The following ATG10 variants were observed in gnomAD, a reference collection of about 807,000 sequenced individuals.
ATG10 encodes the protein ubiquitin-like-conjugating enzyme ATG10.
ATG10 carries 30 observed loss-of-function variants against 32.1 expected under a neutral mutation model. The observed-to-expected ratio is 0.94, with a 90% CI of 0.70 to 1.27. ATG10 has a LOEUF of 1.27. Ranked by LOEUF, ATG10 falls within the 50% of genes most tolerant of loss-of-function variation. The pLI is 0.00. For synonymous variants in ATG10, 87 were observed against 91.5 expected (o/e 0.95, Z 0.28); for missense variants, 233 against 262.3 (o/e 0.89, Z 0.77).
chr5:82,208,116 C>T (rs1200719239), intron 5 of ATG10, among the ~76,000 whole-genome samples: 1 of 152,182 alleles, frequency 6.6e-6, no homozygotes, highest in Non-Finnish European at 1.5e-5. Flanking sequence ...CTTAGTTACA[C>T]ATAAAGTTTC....
intron 5 of ATG10, among the ~76,000 whole-genome samples, chr5:82,202,687 G>A (rs2149965212): frequency 6.6e-6 from 1 of 152,266 alleles, no homozygotes. Flanking sequence ...CAGATCTGCT[G>A]TTCCATGTAG....
intron 3 of ATG10, among the ~76,000 whole-genome samples, chr5:82,119,109 C>G (rs1765938722): frequency 6.6e-6 from 1 of 152,158 alleles, no homozygotes; most frequent in Non-Finnish European, 1.5e-5. Context: ...TACTTCAAGC[C>G]TATGAAATCC....
intron 3 of ATG10, among the ~76,000 whole-genome samples, chr5:82,068,694 A>C (rs910393693): frequency 6.8e-6 from 1 of 147,056 alleles, no homozygotes; most frequent in Non-Finnish European, 1.5e-5. Flanking sequence ...ATATATATAT[A>C]TATCTTATAT....
intron 2 of ATG10, among the ~76,000 whole-genome samples, chr5:82,047,563 T>G (rs1032494180): frequency 3.9e-5 from 6 of 152,222 alleles, no homozygotes; most frequent in Admixed American, 3.3e-4. Context: ...CACATATGCA[T>G]GTGTGCTTCT....
At chr5:82,124,677 A>G (rs146866506) in intron 3 of ATG10, among the ~76,000 whole-genome samples, 1 of 152,044 alleles carries the variant, frequency 6.6e-6, no homozygotes, top group Admixed American at 6.6e-5. Flanking sequence ...TGTCTTCTTT[A>G]TCCAGTCTAA....
In ATG10 at chr5:81,986,027, G is replaced by C. The variant is rs577604707; in HGVS notation, c.-12-1532G>C. Among the ~76,000 whole-genome samples the C allele has an allele frequency of 1.1e-4, 17 of 152,088 alleles. 1 individual carries two copies. In the South Asian group the frequency reaches 3.5e-3, roughly 32 times the overall value. On this transcript the variant is annotated intron_variant, in intron 1 of 7. Transcript: ENST00000282185. ...ATCCGCCTGCCTCGGCCTCCCCAAA[G>C]TGCTGGGATTACAGGCGTGAGCCAC...
At position 82,118,400 on chromosome 5, in the gene ATG10, A is replaced by ATATATATATATAT. The variant is rs371581160; in HGVS notation, c.217-45994_217-45993insATATATATTATAT. Among the ~76,000 whole-genome samples the ATATATATATATAT allele has an allele frequency of 8.4e-4, 97 of 115,820 alleles. 2 individuals carry two copies. The highest frequency in any genetic ancestry group is 1.4e-3 in the Non-Finnish European group (74 of 52,894). The allele number at this position is 115,820 out of a possible 152,430, so 76.0% of individuals were successfully genotyped here. A position where few individuals can be genotyped will look rare whatever the true frequency, so the allele number is the denominator to read the frequency against. ...ATAATATATGTACATATATATATAT[A>ATATATATATATAT]TATATGTATGTATATATTCCCTAGC... On this transcript the variant is annotated intron_variant, in intron 3 of 7. Coordinates refer to ENST00000282185, the MANE Select transcript of ATG10 (RefSeq NM_031482.5).
rs184205449 is a variant in ATG10 at position 82,156,790 on chromosome 5, A to C, written c.217-7609A>C. 1.1e-4 allele frequency among the ~76,000 whole-genome samples: 17 copies of C among 152,304 alleles called. No individual in the cohort carries two copies. In the East Asian group the frequency reaches 3.3e-3, roughly 29 times the overall value. On this transcript the variant is annotated intron_variant, in intron 3 of 7. Transcript: ENST00000282185. ...GATTTTCAAATCCATTATTCTGCTA[A>C]TTCTTTTACTTTTAGATGTATAGAA...
intron 5 of ATG10, among the ~76,000 whole-genome samples, chr5:82,196,495 C>T (rs556611536): frequency 6.6e-6 from 1 of 152,100 alleles, no homozygotes; most frequent in Non-Finnish European, 1.5e-5. Context: ...ATGTGGTCTT[C>T]TAAGAGTTTT....
chr5:82,040,849 A>T lies in ATG10; in HGVS notation c.109-17646A>T, dbSNP rs560783389. ...GTCATGGCCAACAAGTCCCTAGATG[A>T]TCTGGCTCTATTGGCTTTTTTGTTC... is the stretch of plus-strand genomic sequence containing the variant. On this transcript the variant is annotated intron_variant, in intron 2 of 7. Coordinates refer to ENST00000282185, the MANE Select transcript of ATG10 (RefSeq NM_031482.5). 1.6e-4 allele frequency among the ~76,000 whole-genome samples: 25 copies of T among 152,344 alleles called. No individual in the cohort carries two copies. The South Asian group carries it at 4.8e-3, about 29-fold the overall frequency.
intron 3 of ATG10, among the ~76,000 whole-genome samples, chr5:82,072,388 G>C (rs1020753216): frequency 2.0e-5 from 3 of 152,118 alleles, no homozygotes; most frequent in Non-Finnish European, 2.9e-5. Context: ...AAGCTGTAGT[G>C]TCTAGGGTTA....
chr5:81,975,744 C>T (rs1283416227), intron 1 of ATG10, among the ~76,000 whole-genome samples: 2 of 150,620 alleles, frequency 1.3e-5, no homozygotes, highest in East Asian at 1.9e-4. Flanking sequence ...ATATTTTTTT[C>T]TTCCCATCTT....
At chr5:82,201,308 A>G (rs1561354400) in intron 5 of ATG10, among the ~76,000 whole-genome samples, 4 of 152,206 alleles carry the variant, frequency 2.6e-5, no homozygotes, top group Admixed American at 1.3e-4. Context: ...GCTTATGTCT[A>G]GGATTTATTT....
chr5:82,100,000 G>GTTTT lies in ATG10; in HGVS notation c.216+41421_216+41424dup, dbSNP rs869311526. Among the ~76,000 whole-genome samples, 82 of 58,952 alleles carry GTTTT rather than the reference G, an allele frequency of 1.4e-3. 23 individuals are homozygous for GTTTT. Among genetic ancestry groups the GTTTT allele is most frequent in the African/African-American group, 4.6e-3 (65 of 14,030 alleles). The allele number at this position is 58,952 out of a possible 152,430, so 38.7% of individuals were successfully genotyped here. On this transcript the variant is annotated intron_variant, in intron 3 of 7. Transcript: ENST00000282185. Reference sequence around the variant, plus strand: ...CTGATTTCTTTCTTTCTTTTTCTGTGTTTTTTTTTTTTTTTTTTTTTTTTT... The same window carrying GTTTT: ...CTGATTTCTTTCTTTCTTTTTCTGTGTTTTTTTTTTTTTTTTTTTTTTTTTTTTT...
chr5:82,052,405 A>G (rs574372999), intron 2 of ATG10, among the ~76,000 whole-genome samples: 40 of 152,272 alleles, frequency 2.6e-4, no homozygotes, highest in African/African-American at 9.1e-4. Context: ...TCGGCACTAC[A>G]CTAGAAAACT....
At chr5:82,038,900 T>G (rs1763009210) in intron 2 of ATG10, among the ~76,000 whole-genome samples, 1 of 152,192 alleles carries the variant, frequency 6.6e-6, no homozygotes, top group Non-Finnish European at 1.5e-5. Context: ...CAGGCTGGAG[T>G]GCTGTGGCAT....
chr5:82,151,346 C>T (rs560116937), intron 3 of ATG10, among the ~76,000 whole-genome samples: 9 of 152,098 alleles, frequency 5.9e-5, no homozygotes, highest in Non-Finnish European at 1.2e-4. Flanking sequence ...GTCACTGTGC[C>T]CAGCTACTAC....
chr5:81,983,029 C>G (rs976739007), intron 1 of ATG10, among the ~76,000 whole-genome samples: 2 of 152,358 alleles, frequency 1.3e-5, no homozygotes, highest in East Asian at 3.9e-4. Context: ...TCCACAAAAC[C>G]GCCATTGTCA....
At chr5:82,224,053 A>C (rs1000758374) in intron 5 of ATG10, among the ~76,000 whole-genome samples, 1 of 152,210 alleles carries the variant, frequency 6.6e-6, no homozygotes, top group Non-Finnish European at 1.5e-5. Flanking sequence ...CCAGGGTGTG[A>C]CAAGGCAAAG....
Sources: allele counts gnomAD v4.1 joint callset (sites outside exome capture counted in the v4.1 genomes callset), GRCh38; gene constraint gnomAD v4.1.1; transcripts MANE v1.5; gene names NCBI Gene and HGNC (gene_info 2026-07-23, HGNC 2026-07-21).